Variants in SYNE1 observed in about 807,000 individuals in gnomAD.
SYNE1 encodes the protein nesprin-1.
In SYNE1, 616 loss-of-function variants were observed where a neutral mutation model predicts 1,111.0. The ratio of observed to expected loss-of-function variants is 0.55; its 90% confidence interval spans 0.52 to 0.59. The LOEUF is 0.59. Ranked by LOEUF, SYNE1 falls within the 20% of genes least tolerant of loss-of-function variation. The pLI is 0.00. For synonymous variants in SYNE1, 3,855 were observed against 3,825.8 expected, an observed-to-expected ratio of 1.01 and a Z score of -0.28; for missense variants, 10,006 against 10,417.0, an observed-to-expected ratio of 0.96 and a Z score of 1.72.
intron 72 of SYNE1, among the ~76,000 whole-genome samples, chr6:152,348,345 T>C (rs978181611): frequency 6.6e-6 from 1 of 152,206 alleles, no homozygotes; most frequent in Non-Finnish European, 1.5e-5. Flanking sequence ...CATTCTTTAG[T>C]GAGCATTCTT....
chr6:152,164,104 C>T (rs2063116745), intron 131 of SYNE1, 59 bp downstream of exon 131: 3 of 1,608,524 alleles, frequency 1.9e-6, no homozygotes, highest in Middle Eastern at 1.7e-4. Context: ...CCCCATCATC[C>T]TGGCCAGGAG....
At chr6:152,606,382 G>A (rs2099614822) in intron 3 of SYNE1, among the ~76,000 whole-genome samples, 1 of 152,136 alleles carries the variant, frequency 6.6e-6, no homozygotes, top group African/African-American at 2.4e-5. Flanking sequence ...AATTCTTCAA[G>A]GGCAAAATTG....
intron 32 of SYNE1, among the ~76,000 whole-genome samples, chr6:152,440,859 G>A (rs142243457): frequency 2.2e-4 from 33 of 151,886 alleles, no homozygotes; most frequent in East Asian, 1.2e-3. Context: ...GAGTCACAGC[G>A]CGCGGCCTGC....
chr6:152,369,627 A>T lies in SYNE1; in HGVS notation c.9508-13T>A, dbSNP rs753912822. On this transcript the variant is annotated splice_polypyrimidine_tract_variant and intron_variant, in intron 59 of 145. Coordinates refer to ENST00000367255, the MANE Select transcript of SYNE1 (RefSeq NM_182961.4). ...GGATCTTTAGATTCTGCAAGGTTTT[A>T]GATAGTGTCCAGGACAAGAAAATAT... The T allele has an allele frequency of 6.2e-7, 1 of 1,613,990 alleles. No individual in the cohort carries two copies. The highest frequency in any genetic ancestry group is 2.2e-5 in the East Asian group (1 of 44,898).
chr6:152,156,578 T>G (rs2061413351), intron 131 of SYNE1, among the ~76,000 whole-genome samples: 1 of 152,214 alleles, frequency 6.6e-6, no homozygotes, highest in Admixed American at 6.5e-5. Context: ...ACACTTTAAA[T>G]CATCTTGAGA....
chr6:152,358,077 G>A (rs1239997747), intron 66 of SYNE1, among the ~76,000 whole-genome samples: 1 of 152,172 alleles, frequency 6.6e-6, no homozygotes, highest in Non-Finnish European at 1.5e-5. Context: ...GAAACAGGCA[G>A]GTAAGCCAGA....
chr6:152,601,310 C>A (rs1249317314), intron 3 of SYNE1, among the ~76,000 whole-genome samples: 1 of 152,206 alleles, frequency 6.6e-6, no homozygotes, highest in Non-Finnish European at 1.5e-5. Flanking sequence ...CAATAGTAGA[C>A]CTGGCTAGGC....
intron 3 of SYNE1, among the ~76,000 whole-genome samples, chr6:152,620,197 T>C (rs2099672301): frequency 6.6e-6 from 1 of 152,150 alleles, no homozygotes; most frequent in Non-Finnish European, 1.5e-5. Context: ...TTTCAGACCT[T>C]CCTTTTGTCT....
chr6:152,265,207 G>GAAAAAAAAAAAAAAAAA (rs36042696), intron 100 of SYNE1, among the ~76,000 whole-genome samples: 1 of 87,914 alleles, frequency 1.1e-5, no homozygotes. Context: ...CTCTGTCTCA[G>GAAAAAAAAAAAAAAAAA]AAAAAAAAAA....
chr6:152,533,327 A>G lies in SYNE1; in HGVS notation c.129+6633T>C, dbSNP rs375030828. On this transcript the variant is annotated intron_variant, in intron 4 of 145. Coordinates refer to ENST00000367255, the MANE Select transcript of SYNE1 (RefSeq NM_182961.4). Reference sequence around the variant, plus strand: ...TAATTCAATTCCGAATAAATATTCCAAAGGCAATAATTGCCCTCCAGCTCA... The same window carrying G: ...TAATTCAATTCCGAATAAATATTCCGAAGGCAATAATTGCCCTCCAGCTCA... 5.5e-3 allele frequency among the ~76,000 whole-genome samples: 843 copies of G among 152,176 alleles called. 10 individuals carry two copies. The highest frequency in any genetic ancestry group is 0.017 in the South Asian group (80 of 4,824).
intron 104 of SYNE1, among the ~76,000 whole-genome samples, chr6:152,250,281 A>AT (rs372818419): frequency 8.0e-4 from 121 of 152,052 alleles, no homozygotes; most frequent in African/African-American, 2.8e-3. Flanking sequence ...AAAAAAATGT[A>AT]TTTTTTTCTC....
chr6:152,451,980 C>A (rs540818374), intron 25 of SYNE1, among the ~76,000 whole-genome samples: 36 of 150,564 alleles, frequency 2.4e-4, no homozygotes, highest in African/African-American at 8.3e-4. Context: ...ATGAGGAAAG[C>A]TTATTACTGA....
At chr6:152,529,219 A>G (rs566311039) in intron 4 of SYNE1, among the ~76,000 whole-genome samples, 1 of 152,314 alleles carries the variant, frequency 6.6e-6, no homozygotes, top group East Asian at 1.9e-4. Context: ...TCATAGAAAT[A>G]CCTACTAAAT....
chr6:152,168,371 T>C lies in SYNE1; in HGVS notation c.23628-4046A>G, dbSNP rs1255016660. On this transcript the variant is annotated intron_variant, in intron 130 of 145. Coordinates refer to ENST00000367255, the MANE Select transcript of SYNE1 (RefSeq NM_182961.4). ...GACACTGGGCAGTGACAAGTGGTCA[T>C]GTTTCTAAATAAAACCTACATTCAT... The C allele has an allele frequency of 6.9e-6, 4 of 579,754 alleles. No homozygotes were observed. The East Asian group carries it at 8.4e-5, about 12-fold the overall frequency. The allele number at this position is 579,754 out of a possible 1,614,324, so 35.9% of individuals were successfully genotyped here.
intron 9 of SYNE1, among the ~76,000 whole-genome samples, chr6:152,504,970 G>T (rs951112673): frequency 2.0e-5 from 3 of 152,118 alleles, no homozygotes; most frequent in Non-Finnish European, 2.9e-5. Flanking sequence ...TCACCCGACT[G>T]ACATACCAAT....
intron 32 of SYNE1, among the ~76,000 whole-genome samples, chr6:152,440,804 G>A (rs2098522559): frequency 1.3e-5 from 2 of 151,928 alleles, no homozygotes; most frequent in Non-Finnish European, 2.9e-5. Flanking sequence ...TTGACCTCAT[G>A]ATCTGCCCTC....
intron 55 of SYNE1, among the ~76,000 whole-genome samples, chr6:152,383,925 G>A (rs1207588066): frequency 6.6e-6 from 1 of 152,134 alleles, no homozygotes; most frequent in Non-Finnish European, 1.5e-5. Context: ...TTCCTCAGGT[G>A]GTAATAGTCC....
chr6:152,546,652 A>G (rs750289775), intron 3 of SYNE1: 2 of 152,200 alleles, frequency 1.3e-5, no homozygotes, highest in African/African-American at 2.4e-5. Flanking sequence ...AATTGGTGTG[A>G]TGAAGGTATA....
In SYNE1 at chr6:152,331,255, A is replaced by G. The variant is rs1225291715; in HGVS notation, c.13430T>C (p.Met4477Thr). ...SQIQQHERKI[M>T]FREHICLLPD... ...TAACAGACAGATGTGTTCACGGAAC[A>G]TTATCTTTCGCTCATGTTGCTGAAT... The change falls in exon 78 of 146, where the codon ATG becomes ACG. Residue 4477 changes from methionine (M) to threonine (T), a missense_variant. Physicochemically the swap from Met to Thr is moderately conservative, Grantham distance 81. This residue lies in a region of SYNE1 where 4,955 missense variants were observed against 5,017.2 expected (regional missense o/e 0.99). Coordinates refer to ENST00000367255, the MANE Select transcript of SYNE1 (RefSeq NM_182961.4). 2 of 1,613,982 alleles carry G rather than the reference A, an allele frequency of 1.2e-6. No individual in the cohort carries two copies. Among genetic ancestry groups the G allele is most frequent in the Non-Finnish European group, 1.7e-6 (2 of 1,180,042 alleles).
Sources: allele counts gnomAD v4.1 joint callset (sites outside exome capture counted in the v4.1 genomes callset), GRCh38; gene constraint gnomAD v4.1.1; regional missense constraint gnomAD v4.1.1; transcripts MANE v1.5; gene names NCBI Gene and HGNC (gene_info 2026-07-23, HGNC 2026-07-21).